The following JAZF1 variants were observed in gnomAD, a reference collection of about 807,000 sequenced individuals.
The protein encoded by JAZF1 is juxtaposed with another zinc finger protein 1.
A neutral mutation model predicts 26.4 loss-of-function variants in JAZF1; 8 were observed. That is an observed-to-expected ratio of 0.30 (90% CI 0.18 to 0.55). The LOEUF (loss-of-function observed/expected upper bound fraction) is 0.55, where lower values mean the gene tolerates loss of function less well. JAZF1 is among the 20% of genes least tolerant of loss of function. JAZF1 has a pLI of 0.94. For synonymous variants in JAZF1, 126 were observed against 122.3 expected, an observed-to-expected ratio of 1.03 and a Z score of -0.20; for missense variants, 199 against 322.0, an observed-to-expected ratio of 0.62 and a Z score of 2.92.
intron 3 of JAZF1, among the ~76,000 whole-genome samples, chr7:27,866,042 A>C (rs1285907002): frequency 6.6e-6 from 1 of 152,158 alleles, no homozygotes; most frequent in Non-Finnish European, 1.5e-5. Context: ...TCAGGCTGCT[A>C]CCTAGAATGG....
At chr7:28,065,571 A>T (rs1783868044) in intron 1 of JAZF1, among the ~76,000 whole-genome samples, 1 of 152,248 alleles carries the variant, frequency 6.6e-6, no homozygotes, top group Admixed American at 6.5e-5. Flanking sequence ...TTAAGTCAGC[A>T]CAGGATGGCC....
intron 1 of JAZF1, among the ~76,000 whole-genome samples, chr7:28,154,905 C>A (rs1445531817): frequency 6.7e-6 from 1 of 149,174 alleles, no homozygotes; most frequent in South Asian, 2.1e-4. Flanking sequence ...TCAAAATAGA[C>A]AAAACATACT....
chr7:28,131,480 G>T lies in JAZF1; in HGVS notation c.115+48983C>A, dbSNP rs539402716. On this transcript the variant is annotated intron_variant, in intron 1 of 4. Coordinates refer to ENST00000283928, the MANE Select transcript of JAZF1 (RefSeq NM_175061.4). ...ATAAATAAAACCACGATATGCACTA[G>T]ATGACTAGAATCTTTAAAAAATCCT... Among the ~76,000 whole-genome samples, 4 of 152,176 alleles carry T rather than the reference G, an allele frequency of 2.6e-5. No individual in the cohort carries two copies. The East Asian group carries it at 7.7e-4, about 29-fold the overall frequency.
At chr7:28,120,817 G>A (rs1275954526) in intron 1 of JAZF1, among the ~76,000 whole-genome samples, 1 of 151,948 alleles carries the variant, frequency 6.6e-6, no homozygotes, top group Non-Finnish European at 1.5e-5. Context: ...ACTTGCTTGG[G>A]ACCTAGACAA....
intron 1 of JAZF1, among the ~76,000 whole-genome samples, chr7:28,018,185 G>A (rs570143620): frequency 1.3e-5 from 2 of 152,220 alleles, no homozygotes; most frequent in Non-Finnish European, 2.9e-5. Context: ...AGGGCAGGAT[G>A]GGGGTGGGCA....
At chr7:28,001,858 A>C (rs950984484) in intron 1 of JAZF1, among the ~76,000 whole-genome samples, 2 of 152,190 alleles carry the variant, frequency 1.3e-5, no homozygotes, top group Non-Finnish European at 2.9e-5. Context: ...GATTCGATGA[A>C]AAAGAACTGG....
chr7:28,117,851 G>C (rs1384752740), intron 1 of JAZF1, among the ~76,000 whole-genome samples: 2 of 152,188 alleles, frequency 1.3e-5, no homozygotes, highest in South Asian at 4.1e-4. Flanking sequence ...CTGCCATTTA[G>C]AAGTTTACAA....
At chr7:27,876,057 C>G (rs1023321278) in intron 3 of JAZF1, among the ~76,000 whole-genome samples, 3 of 152,190 alleles carry the variant, frequency 2.0e-5, no homozygotes, top group Non-Finnish European at 4.4e-5. Context: ...TACCTAATGT[C>G]TCTTACCTTC....
At chr7:28,132,992 A>C (rs532749225) in intron 1 of JAZF1, among the ~76,000 whole-genome samples, 11 of 152,224 alleles carry the variant, frequency 7.2e-5, no homozygotes, top group Non-Finnish European at 1.6e-4. Flanking sequence ...GAAGCCGTAA[A>C]AGCAGATGTG....
intron 2 of JAZF1, among the ~76,000 whole-genome samples, chr7:27,917,240 T>C (rs1784455714): frequency 6.6e-6 from 1 of 152,214 alleles, no homozygotes; most frequent in Non-Finnish European, 1.5e-5. Context: ...TAAGTGGCAT[T>C]AGGTAACATC....
At chr7:28,062,467 G>A (rs1302655324) in intron 1 of JAZF1, among the ~76,000 whole-genome samples, 2 of 151,870 alleles carry the variant, frequency 1.3e-5, no homozygotes, top group South Asian at 2.1e-4. Flanking sequence ...TAGTGACTAC[G>A]CAGCCCTGTC....
At chr7:28,100,103 TG>T (rs909766255) in intron 1 of JAZF1, among the ~76,000 whole-genome samples, 9 of 152,366 alleles carry the variant, frequency 5.9e-5, no homozygotes, top group African/African-American at 1.9e-4. Flanking sequence ...ATGGACAGTG[TG>T]TTCCACACTC....
intron 3 of JAZF1, among the ~76,000 whole-genome samples, chr7:27,879,056 G>C (rs4719912): frequency 0.021 from 3,135 of 152,284 alleles, 94 homozygotes; most frequent in African/African-American, 0.065. Context: ...ATGGAGGCCA[G>C]AGATCTTAAC....
At chr7:28,003,933 A>C (rs958423040) in intron 1 of JAZF1, among the ~76,000 whole-genome samples, 3 of 152,146 alleles carry the variant, frequency 2.0e-5, no homozygotes, top group African/African-American at 7.2e-5. Flanking sequence ...TCAATAATGG[A>C]TATTTACAGA....
chr7:28,044,082 A>C (rs1397782728), intron 1 of JAZF1, among the ~76,000 whole-genome samples: 1 of 152,236 alleles, frequency 6.6e-6, no homozygotes, highest in African/African-American at 2.4e-5. Flanking sequence ...ACATTACTGT[A>C]AATGTACTAA....
chr7:27,932,481 T>C (rs1784701231), intron 2 of JAZF1, among the ~76,000 whole-genome samples: 1 of 152,098 alleles, frequency 6.6e-6, no homozygotes, highest in Admixed American at 6.5e-5. Context: ...GAAGAGAGGG[T>C]GCATCTTGTG....
intron 1 of JAZF1, among the ~76,000 whole-genome samples, chr7:28,043,107 A>C (rs1429266155): frequency 2.0e-5 from 3 of 152,194 alleles, no homozygotes; most frequent in Admixed American, 2.0e-4. Context: ...ATATGGGAAT[A>C]CTGAATGAGG....
rs976327666 is a variant in JAZF1 at position 28,174,493 on chromosome 7, C to T, written c.115+5970G>A. 5.9e-5 allele frequency among the ~76,000 whole-genome samples: 9 copies of T among 152,126 alleles called. No homozygotes were observed. In the South Asian group the frequency reaches 8.3e-4, roughly 14 times the overall value. Reference sequence around the variant, plus strand: ...CAGTTTGTATTTCTAGAACTGTCAACGTAGGAGATATCTCCGAAATATATG... The same window carrying T: ...CAGTTTGTATTTCTAGAACTGTCAATGTAGGAGATATCTCCGAAATATATG... On this transcript the variant is annotated intron_variant, in intron 1 of 4. Transcript: ENST00000283928.
chr7:27,944,246 G>C (rs1019060624), intron 2 of JAZF1, among the ~76,000 whole-genome samples: 1 of 152,204 alleles, frequency 6.6e-6, no homozygotes, highest in Admixed American at 6.5e-5. Flanking sequence ...ATGCATATCT[G>C]TAGTCTCTGT....
Sources: allele counts gnomAD v4.1 joint callset (sites outside exome capture counted in the v4.1 genomes callset), GRCh38; gene constraint gnomAD v4.1.1; transcripts MANE v1.5; gene names NCBI Gene and HGNC (gene_info 2026-07-23, HGNC 2026-07-21).